The following SIPA1L3 variants were observed in gnomAD, a reference collection of about 807,000 sequenced individuals.
SIPA1L3 encodes signal-induced proliferation-associated 1-like protein 3.
A neutral mutation model predicts 150.1 loss-of-function variants in SIPA1L3; 59 were observed. That is an observed-to-expected ratio of 0.39 (90% CI 0.32 to 0.49). SIPA1L3 has a LOEUF of 0.49. Ranked by LOEUF, SIPA1L3 falls within the 20% of genes least tolerant of loss-of-function variation. SIPA1L3 has a pLI of 0.86. For synonymous variants in SIPA1L3, 1,070 were observed against 1,077.6 expected (o/e 0.99, Z 0.14); for missense variants, 2,211 against 2,489.5 (o/e 0.89, Z 2.38).
chr19:38,153,046 A>C, intron 13 of SIPA1L3, 79 bp downstream of exon 13: 1 of 1,508,904 alleles, frequency 6.6e-7, no homozygotes, highest in East Asian at 2.4e-5. Context: ...GACAGGCAAC[A>C]CTCCCCCTCT....
chr19:38,109,744 T>C (rs1970698106), intron 7 of SIPA1L3: 1 of 164,616 alleles, frequency 6.1e-6, no homozygotes, highest in Non-Finnish European at 1.3e-5. Context: ...CCTGTTCTCA[T>C]GGAGCTGCCA....
chr19:38,118,231 G>A (rs893467567), intron 8 of SIPA1L3, among the ~76,000 whole-genome samples: 1 of 152,120 alleles, frequency 6.6e-6, no homozygotes, highest in Non-Finnish European at 1.5e-5. Context: ...CAAGGGCTCA[G>A]TGACAAACGT....
Position 38,099,970 on chromosome 19 carries a change from C to T in SIPA1L3, c.1674C>T (p.Thr558=). The T allele has an allele frequency of 9.3e-6, 15 of 1,605,418 alleles. No homozygotes were observed. The highest frequency in any genetic ancestry group is 1.3e-5 in the Non-Finnish European group (15 of 1,177,170). ...TTCTCTCCCTTGAGTAGCTCATCAC[C>T]CTGCGGGGCTCCATCCTGGAAGATG... is the stretch of plus-strand genomic sequence containing the variant. ...RIIFRTRELI[T]LRGSILEDAT... The change falls in exon 5 of 22, where the codon ACC becomes ACT. Residue 558 remains threonine (T), a synonymous_variant. Transcript: ENST00000222345.
intron 1 of SIPA1L3, among the ~76,000 whole-genome samples, chr19:38,025,653 A>G (rs980372833): frequency 1.1e-4 from 16 of 152,232 alleles, no homozygotes; most frequent in African/African-American, 3.9e-4. Flanking sequence ...AGTGGCGGGA[A>G]AGCAATTTCC....
At chr19:38,166,897 A>G (rs1972223050) in intron 15 of SIPA1L3, among the ~76,000 whole-genome samples, 1 of 151,954 alleles carries the variant, frequency 6.6e-6, no homozygotes, top group South Asian at 2.1e-4. Context: ...ACCACAGTCC[A>G]CAGTAGAATT....
chr19:38,173,442 T>C (rs927236829), intron 15 of SIPA1L3, among the ~76,000 whole-genome samples: 1 of 152,274 alleles, frequency 6.6e-6, no homozygotes, highest in Admixed American at 6.5e-5. Context: ...TGAGTGATCC[T>C]GGGCGGGCAG....
chr19:38,098,392 ATTTTTTT>A (rs71179411), intron 4 of SIPA1L3, among the ~76,000 whole-genome samples: 2 of 113,728 alleles, frequency 1.8e-5, no homozygotes, highest in Non-Finnish European at 3.6e-5. Flanking sequence ...AGGGGCTTTC[ATTTTTTT>A]TTTTTTTTTT....
intron 15 of SIPA1L3, chr19:38,173,758 C>G (rs910194187): frequency 6.6e-6 from 1 of 152,280 alleles, no homozygotes; most frequent in African/African-American, 2.4e-5. Flanking sequence ...GAGACCTCCT[C>G]GGAGAGTCAC....
intron 10 of SIPA1L3, among the ~76,000 whole-genome samples, chr19:38,136,214 G>T (rs1367264189): frequency 1.6e-5 from 2 of 127,542 alleles, no homozygotes; most frequent in Non-Finnish European, 3.3e-5. Flanking sequence ...AAAGAAGAAT[G>T]CGTAAGAAAG....
At chr19:37,922,042 G>A (rs1273406549) in intron 1 of SIPA1L3, among the ~76,000 whole-genome samples, 2 of 152,264 alleles carry the variant, frequency 1.3e-5, no homozygotes, top group African/African-American at 2.4e-5. Context: ...TGGACTGCAC[G>A]TTGGATCTGA....
In SIPA1L3 at chr19:37,951,722, C is replaced by G. The variant is rs531500434; in HGVS notation, c.-379+44364C>G. ...GACTATCCTGGCCAACACAGTGAAA[C>G]CCCGTCTCTACTAAAATGCAAAAAA... On this transcript the variant is annotated intron_variant, in intron 1 of 21. Transcript: ENST00000222345. Among the ~76,000 whole-genome samples, 350 of 151,956 alleles carry G rather than the reference C, an allele frequency of 2.3e-3. 1 individual carries two copies. The highest frequency in any genetic ancestry group is 8.0e-3 in the African/African-American group (332 of 41,440).
At chr19:38,018,640 AT>A (rs1968294298) in intron 1 of SIPA1L3, among the ~76,000 whole-genome samples, 1 of 152,084 alleles carries the variant, frequency 6.6e-6, no homozygotes, top group Admixed American at 6.6e-5. Flanking sequence ...GAGGTACCAC[AT>A]TTTGTTAATT....
intron 2 of SIPA1L3, among the ~76,000 whole-genome samples, chr19:38,029,628 C>T (rs948997643): frequency 6.6e-6 from 1 of 152,096 alleles, no homozygotes; most frequent in African/African-American, 2.4e-5. Context: ...GATGGAGTTT[C>T]ACTTTTGTTG....
At chr19:38,007,042 A>G (rs1239157897) in intron 1 of SIPA1L3, among the ~76,000 whole-genome samples, 8 of 152,136 alleles carry the variant, frequency 5.3e-5, no homozygotes, top group African/African-American at 1.9e-4. Flanking sequence ...AACGAAAAGA[A>G]CGCGATGGCT....
chr19:38,175,147 C>T (rs1037883997), intron 15 of SIPA1L3, among the ~76,000 whole-genome samples: 1 of 152,036 alleles, frequency 6.6e-6, no homozygotes, highest in East Asian at 1.9e-4. Context: ...CCACCTGGAA[C>T]ATGGAGGTGG....
rs903300049 is a variant in SIPA1L3, at chr19:38,119,701, T to C, written c.2687T>C (p.Phe896Ser). 3.1e-6 allele frequency: 5 copies of C among 1,614,018 alleles called. No homozygotes were observed. The highest frequency in any genetic ancestry group is 4.2e-6 in the Non-Finnish European group (5 of 1,180,020). Residue 896 changes from phenylalanine to serine, a missense_variant, in exon 9 of 22, where the codon TTT becomes TCT. Physicochemically the swap from Phe to Ser is radical, Grantham distance 155. Around this residue, in one of 5 missense-constraint regions of SIPA1L3, gnomAD observed 625 missense variants for 804.2 expected, o/e 0.78. Coordinates refer to ENST00000222345, the MANE Select transcript of SIPA1L3 (RefSeq NM_015073.3). ...IDCILGISNE[F>S]VVLLDLRTKE... ...TGCATTTTGGGAATTTCCAATGAGTTTGTGGTGCTCCTGGACTTACGCACC... is the reference window on the plus strand; with the variant it reads ...TGCATTTTGGGAATTTCCAATGAGTCTGTGGTGCTCCTGGACTTACGCACC...
At chr19:38,087,924 A>G (rs987085192) in intron 3 of SIPA1L3, 3 of 152,298 alleles carry the variant, frequency 2.0e-5, no homozygotes, top group Admixed American at 1.3e-4. Flanking sequence ...AGGCTGAGGC[A>G]GGAGAATGGA....
intron 6 of SIPA1L3, 122 bp downstream of exon 6, chr19:38,101,348 A>G: frequency 1.6e-6 from 1 of 619,482 alleles, no homozygotes; most frequent in Non-Finnish European, 2.6e-6. Context: ...CTCAGACTTC[A>G]CTTGTAGGAG....
chr19:37,926,074 C>T (rs1466699274), intron 1 of SIPA1L3, among the ~76,000 whole-genome samples: 2 of 152,184 alleles, frequency 1.3e-5, no homozygotes, highest in Non-Finnish European at 1.5e-5. Flanking sequence ...GTTGGACTGC[C>T]TGACATTGTG....
Sources: allele counts gnomAD v4.1 joint callset (sites outside exome capture counted in the v4.1 genomes callset), GRCh38; gene constraint gnomAD v4.1.1; regional missense constraint gnomAD v4.1.1; transcripts MANE v1.5; gene names NCBI Gene and HGNC (gene_info 2026-07-23, HGNC 2026-07-21).